The following NT5M variants were observed in gnomAD, a reference collection of about 807,000 sequenced individuals.
NT5M encodes the protein 5'(3')-deoxyribonucleotidase, mitochondrial.
In NT5M, 22 loss-of-function variants were observed where a neutral mutation model predicts 22.2. That is an observed-to-expected ratio of 0.99 (90% CI 0.71 to 1.41). NT5M has a LOEUF of 1.41. Ranked by LOEUF, NT5M falls within the 40% of genes most tolerant of loss-of-function variation. NT5M has a pLI of 0.00. For synonymous variants in NT5M, 167 were observed against 133.0 expected, an observed-to-expected ratio of 1.26 and a Z score of -1.76; for missense variants, 322 against 314.8, an observed-to-expected ratio of 1.02 and a Z score of -0.17.
intron 4 of NT5M, 53 bp downstream of exon 4, chr17:17,344,961 C>A (rs546203758): frequency 6.2e-7 from 1 of 1,610,052 alleles, no homozygotes; most frequent in Non-Finnish European, 8.5e-7. Context: ...CAGCCTTGGC[C>A]CCCTTCTCCT....
Position 17,332,445 on chromosome 17 carries a change from C to T in NT5M, c.429+9200C>T, listed in dbSNP as rs368241234. Among the ~76,000 whole-genome samples the T allele has an allele frequency of 5.9e-5, 9 of 152,300 alleles. No individual in the cohort carries two copies. The East Asian group carries it at 1.3e-3, about 23-fold the overall frequency. The stretch of plus-strand genomic sequence containing the variant: ...TCGAGGTGGTTCATGGACTTCCTGC[C>T]TGCACTCCTAGGTCTTGGAGAGAGC... On this transcript the variant is annotated intron_variant, in intron 3 of 4. Transcript: ENST00000389022.
At chr17:17,323,661 C>T (rs1458918163) in intron 3 of NT5M, among the ~76,000 whole-genome samples, 1 of 152,214 alleles carries the variant, frequency 6.6e-6, no homozygotes, top group Non-Finnish European at 1.5e-5. Context: ...AAATTGGGAA[C>T]TTGCAGTTGC....
intron 3 of NT5M, 85 bp from the exon 4 acceptor site, chr17:17,344,709 C>T: frequency 6.6e-7 from 1 of 1,522,304 alleles, no homozygotes; most frequent in Non-Finnish European, 9.0e-7. Context: ...GAGGTCTAGG[C>T]TGACCCCTGC....
At chr17:17,312,225 C>T (rs2048934613) in intron 2 of NT5M, among the ~76,000 whole-genome samples, 1 of 152,200 alleles carries the variant, frequency 6.6e-6, no homozygotes, top group Non-Finnish European at 1.5e-5. Context: ...ATCCTTAAGC[C>T]ACCACGGTAT....
chr17:17,324,877 C>T (rs76793342), intron 3 of NT5M, among the ~76,000 whole-genome samples: 1,591 of 152,254 alleles, frequency 0.01, 30 homozygotes, highest in African/African-American at 0.036. Flanking sequence ...GCTAGGAGCA[C>T]GAGTTCACTT....
Position 17,303,674 on chromosome 17 carries a change from A to C in NT5M, c.124A>C (p.Met42Leu). The C allele has an allele frequency of 6.3e-7, 1 of 1,577,938 alleles. No homozygotes were observed. Residue 42 changes from methionine (M) to leucine (L), a missense_variant, in exon 1 of 5, where the codon ATG (methionine) becomes CTG (leucine). By Grantham distance (15) the Met-to-Leu change is conservative. Transcript: ENST00000389022. ...GGRALRVLVD[M>L]DGVLADFEGG... The stretch of plus-strand genomic sequence containing the variant: ...CCGCGCCCTACGGGTGCTGGTGGAC[A>C]TGGACGGCGTGCTGGCTGACTTCGA...
chr17:17,316,606 C>T (rs564665402), intron 2 of NT5M, among the ~76,000 whole-genome samples: 1 of 151,966 alleles, frequency 6.6e-6, no homozygotes, highest in Non-Finnish European at 1.5e-5. Context: ...GAACTCCTAA[C>T]CTTGGGTGAT....
chr17:17,320,083 CTGCTTGCCT>C (rs2049119353), intron 2 of NT5M, among the ~76,000 whole-genome samples: 1 of 152,230 alleles, frequency 6.6e-6, no homozygotes, highest in Non-Finnish European at 1.5e-5. Flanking sequence ...CTCAGGTGAT[CTGCTTGCCT>C]TGGCCACTGA....
chr17:17,323,331 A>T (rs1659914800), intron 3 of NT5M, 86 bp downstream of exon 3: 1 of 1,122,020 alleles, frequency 8.9e-7, no homozygotes. Flanking sequence ...TGGAAAGGGG[A>T]TGGACCCTCA....
At chr17:17,343,360 G>T (rs2049688816) in intron 3 of NT5M, among the ~76,000 whole-genome samples, 1 of 152,198 alleles carries the variant, frequency 6.6e-6, no homozygotes, top group East Asian at 1.9e-4. Context: ...GTCAAGCAGT[G>T]AGAGGAGGTT....
At chr17:17,322,944 C>T (rs1470029438) in intron 2 of NT5M, among the ~76,000 whole-genome samples, 4 of 152,174 alleles carry the variant, frequency 2.6e-5, no homozygotes, top group Non-Finnish European at 4.4e-5. Context: ...GGAGGCCCTC[C>T]AGTCAGATGT....
chr17:17,304,513 G>A (rs899832389), intron 1 of NT5M: 4 of 874,164 alleles, frequency 4.6e-6, no homozygotes, highest in Non-Finnish European at 5.5e-6. Context: ...AAAGGAACAG[G>A]GGATTTTGGT....
At chr17:17,305,394 G>GCCCCCCCCCCCCCCCCC (rs34579357) in intron 1 of NT5M, among the ~76,000 whole-genome samples, 71 of 74,136 alleles carry the variant, frequency 9.6e-4, no homozygotes, top group Non-Finnish European at 1.3e-3. Flanking sequence ...TAAAACAACC[G>GCCCCCCCCCCCCCCCCC]CCCCCCCCCC....
Position 17,324,154 on chromosome 17 carries a change from C to T in NT5M, c.429+909C>T, listed in dbSNP as rs556132326. Among the ~76,000 whole-genome samples the T allele has an allele frequency of 3.3e-5, 5 of 149,348 alleles. No homozygotes were observed. In the South Asian group the frequency reaches 8.9e-4, roughly 27 times the overall value. On this transcript the variant is annotated intron_variant, in intron 3 of 4. Transcript: ENST00000389022. ...CCTCCCAACGTGCTGGGATTATAGG[C>T]GTGAGCCACCGTGCCTGGCCTGGAT... is the stretch of plus-strand genomic sequence containing the variant.
chr17:17,333,338 C>G (rs1253241308), intron 3 of NT5M, among the ~76,000 whole-genome samples: 3 of 151,954 alleles, frequency 2.0e-5, no homozygotes, highest in African/African-American at 7.3e-5. Context: ...CAGAGTTTTG[C>G]TGTCACTCCA....
chr17:17,343,471 C>A (rs1021848485), intron 3 of NT5M, among the ~76,000 whole-genome samples: 2 of 152,234 alleles, frequency 1.3e-5, no homozygotes, highest in Non-Finnish European at 1.5e-5. Context: ...TTTCCCACGT[C>A]CCGTGTGCTG....
At chr17:17,314,362 A>T (rs2048980229) in intron 2 of NT5M, among the ~76,000 whole-genome samples, 1 of 152,072 alleles carries the variant, frequency 6.6e-6, no homozygotes, top group African/African-American at 2.4e-5. Flanking sequence ...AGACTCCAAT[A>T]GCATGAGCGT....
intron 3 of NT5M, among the ~76,000 whole-genome samples, chr17:17,342,007 G>C (rs545284828): frequency 6.6e-6 from 1 of 152,002 alleles, no homozygotes; most frequent in South Asian, 2.1e-4. Flanking sequence ...CTCCAGCCTG[G>C]GCGACAGCAA....
intron 3 of NT5M, among the ~76,000 whole-genome samples, chr17:17,341,750 G>T (rs1224388810): frequency 6.6e-6 from 1 of 152,186 alleles, no homozygotes; most frequent in African/African-American, 2.4e-5. Context: ...TTTAACCCTG[G>T]CTGGGTGCAG....
Sources: gnomAD v4.1 joint callset for allele counts (sites outside exome capture counted in the v4.1 genomes callset) on GRCh38, gnomAD v4.1.1 for gene constraint, MANE v1.5 for transcripts, NCBI Gene and HGNC (gene_info 2026-07-23, HGNC 2026-07-21) for gene names.